Variants in BTBD7 observed in about 807,000 individuals in gnomAD.
The protein encoded by BTBD7 is BTB/POZ domain-containing protein 7.
A neutral mutation model predicts 99.9 loss-of-function variants in BTBD7; 38 were observed. The observed-to-expected ratio is 0.38, with a 90% confidence interval of 0.29 to 0.50. The LOEUF (loss-of-function observed/expected upper bound fraction) is 0.50. Among genes scored for constraint, BTBD7 ranks in the 20% least tolerant of loss-of-function variants. The pLI is 0.93. For missense variants in BTBD7, 1,170 were observed against 1,394.6 expected (o/e 0.84, Z 2.57); for synonymous variants, 520 against 511.4 (o/e 1.02, Z -0.23).
intron 3 of BTBD7, among the ~76,000 whole-genome samples, chr14:93,280,235 C>T (rs2052703088): frequency 6.6e-6 from 1 of 152,164 alleles, no homozygotes; most frequent in East Asian, 1.9e-4. Context: ...TAGATACAAG[C>T]TCAGATGTCA....
chr14:93,310,511 C>T (rs1595335883), intron 1 of BTBD7, among the ~76,000 whole-genome samples: 1 of 152,170 alleles, frequency 6.6e-6, no homozygotes, highest in East Asian at 1.9e-4. Context: ...TAATAATGTG[C>T]TTCTGACTCT....
intron 3 of BTBD7, among the ~76,000 whole-genome samples, chr14:93,268,537 T>C (rs1439543264): frequency 6.6e-6 from 1 of 152,206 alleles, no homozygotes; most frequent in Non-Finnish European, 1.5e-5. Flanking sequence ...AACTGCTTAC[T>C]TTAGAATATT....
intron 1 of BTBD7, among the ~76,000 whole-genome samples, chr14:93,332,595 G>A (rs1278804945): frequency 6.6e-6 from 1 of 151,492 alleles, no homozygotes. Flanking sequence ...GCTCCAGCCC[G>A]CCCCTCGGAG....
intron 3 of BTBD7, among the ~76,000 whole-genome samples, chr14:93,293,531 C>G (rs2052883349): frequency 1.3e-5 from 2 of 152,142 alleles, no homozygotes; most frequent in South Asian, 4.1e-4. Context: ...ATGTGGGAAA[C>G]TGGGCTCTTT....
chr14:93,284,097 T>C (rs1396231694), intron 3 of BTBD7, among the ~76,000 whole-genome samples: 2 of 152,234 alleles, frequency 1.3e-5, no homozygotes, highest in South Asian at 2.1e-4. Flanking sequence ...TTGAGATATA[T>C]AATTAGTTCT....
chr14:93,242,096 A>AC lies in BTBD7; in HGVS notation c.*176_*177insG. On this transcript the variant is annotated 3_prime_UTR_variant, in exon 11 of 11. Transcript: ENST00000334746. ...AGACAGATGCAACATTAAAAAAAAAAAACAAAACCTTCTTAGCATGCCATG... is the reference window on the plus strand; with the variant it reads ...AGACAGATGCAACATTAAAAAAAAAACAACAAAACCTTCTTAGCATGCCATG... The AC allele has an allele frequency of 1.7e-6, 1 of 592,726 alleles. No individual in the cohort carries two copies. Among genetic ancestry groups the AC allele is most frequent in the Non-Finnish European group, 2.9e-6 (1 of 350,738 alleles). 36.7% of individuals were successfully genotyped at this position (592,726 alleles called of 1,614,324 possible).
At chr14:93,247,433 G>T (rs964012525) in intron 9 of BTBD7, among the ~76,000 whole-genome samples, 1 of 152,066 alleles carries the variant, frequency 6.6e-6, no homozygotes, top group Non-Finnish European at 1.5e-5. Flanking sequence ...CAGCAAACTC[G>T]GCCTCCCAGG....
chr14:93,251,401 A>G, intron 8 of BTBD7, 62 bp downstream of exon 8: 1 of 1,486,010 alleles, frequency 6.7e-7, no homozygotes, highest in Non-Finnish European at 9.1e-7. Context: ...CTCAAACATC[A>G]GCAATTTCAA....
intron 1 of BTBD7, among the ~76,000 whole-genome samples, chr14:93,308,901 ATGG>A (rs1228542781): frequency 1.3e-5 from 2 of 152,208 alleles, no homozygotes; most frequent in Non-Finnish European, 2.9e-5. Flanking sequence ...AGTTCTGGAG[ATGG>A]TGGTGATGGC....
rs1595277555 is a variant in BTBD7 at position 93,238,574 on chromosome 14, T to C, written c.*3699A>G. ...GTCAAAGAAGCATTTCCCTTTGAAT[T>C]CAGTCCTAAAAATATGAATGCCTTA... On this transcript the variant is annotated 3_prime_UTR_variant, in exon 11 of 11. Transcript: ENST00000334746. The C allele has an allele frequency of 2.0e-5, 3 of 152,460 alleles. No individual in the cohort carries two copies. The East Asian group carries it at 5.8e-4, about 29-fold the overall frequency. The allele number at this position is 152,460 out of a possible 1,614,324, so 9.4% of individuals were successfully genotyped here. A position where few individuals can be genotyped will look rare whatever the true frequency, so the allele number is the denominator to read the frequency against.
intron 1 of BTBD7, among the ~76,000 whole-genome samples, chr14:93,324,507 C>T (rs1301759866): frequency 6.6e-6 from 1 of 151,984 alleles, no homozygotes; most frequent in Non-Finnish European, 1.5e-5. Context: ...ATGAGAAGTC[C>T]TGTGGTGGGG....
intron 3 of BTBD7, among the ~76,000 whole-genome samples, chr14:93,272,004 A>G (rs1429631654): frequency 6.6e-6 from 1 of 151,820 alleles, no homozygotes; most frequent in African/African-American, 2.4e-5. Context: ...ACCCTGTCTT[A>G]AAAAGACAAA....
At chr14:93,300,772 G>GTATATA (rs1192199666) in intron 1 of BTBD7, among the ~76,000 whole-genome samples, 7 of 67,886 alleles carry the variant, frequency 1.0e-4, no homozygotes, top group Non-Finnish European at 1.8e-4. Flanking sequence ...GTGTGTGTGT[G>GTATATA]TATATATATA....
intron 3 of BTBD7, among the ~76,000 whole-genome samples, chr14:93,266,370 A>G (rs2052543599): frequency 6.6e-6 from 1 of 152,158 alleles, no homozygotes; most frequent in Non-Finnish European, 1.5e-5. Flanking sequence ...AGGGCAAGGG[A>G]ATAGTAGAGA....
intron 1 of BTBD7, 42 bp from the exon 2 acceptor site, chr14:93,296,199 G>A: frequency 8.0e-7 from 1 of 1,255,732 alleles, no homozygotes; most frequent in South Asian, 3.0e-5. Context: ...TTTTTCAAGT[G>A]TATCTCAGAT....
At chr14:93,296,819 GCTTT>G (rs1335518717) in intron 1 of BTBD7, among the ~76,000 whole-genome samples, 1 of 152,094 alleles carries the variant, frequency 6.6e-6, no homozygotes, top group Admixed American at 6.5e-5. Context: ...AAAAAATCCT[GCTTT>G]CTATTATGTG....
chr14:93,296,365 ACTTT>A (rs1285355173), intron 1 of BTBD7, among the ~76,000 whole-genome samples: 1 of 152,342 alleles, frequency 6.6e-6, no homozygotes, highest in Non-Finnish European at 1.5e-5. Context: ...CCAATTATAT[ACTTT>A]CTAAGTCAGT....
intron 8 of BTBD7, among the ~76,000 whole-genome samples, chr14:93,249,654 G>A (rs1398389242): frequency 6.6e-6 from 1 of 152,140 alleles, no homozygotes; most frequent in African/African-American, 2.4e-5. Context: ...TACTGTCTAC[G>A]GCTGTTGTAT....
At chr14:93,280,317 A>T (rs1373415568) in intron 3 of BTBD7, among the ~76,000 whole-genome samples, 1 of 152,248 alleles carries the variant, frequency 6.6e-6, no homozygotes, top group African/African-American at 2.4e-5. Flanking sequence ...TTCAAAATTC[A>T]GCACTGTTCT....
Sources: gnomAD v4.1 joint callset for allele counts (sites outside exome capture counted in the v4.1 genomes callset) on GRCh38, gnomAD v4.1.1 for gene constraint, MANE v1.5 for transcripts, NCBI Gene and HGNC (gene_info 2026-07-23, HGNC 2026-07-21) for gene names.